CLASP1: variants seen among roughly 807,000 people sequenced by gnomAD.
The protein encoded by CLASP1 is CLIP-associating protein 1.
CLASP1 carries 38 observed loss-of-function variants against 192.3 expected under a neutral mutation model. The observed-to-expected ratio is 0.20, with a 90% CI of 0.15 to 0.26. The LOEUF is 0.26. Ranked by LOEUF, CLASP1 falls within the 10% of genes least tolerant of loss-of-function variation. CLASP1 has a pLI of 1.00. For missense variants in CLASP1, 1,433 were observed against 1,932.5 expected, an observed-to-expected ratio of 0.74 and a Z score of 4.85; for synonymous variants, 691 against 712.8, an observed-to-expected ratio of 0.97 and a Z score of 0.49.
intron 2 of CLASP1, among the ~76,000 whole-genome samples, chr2:121,552,623 C>A (rs945395276): frequency 6.6e-6 from 1 of 152,134 alleles, no homozygotes; most frequent in Non-Finnish European, 1.5e-5. Flanking sequence ...TAGAGAAATG[C>A]AAATCAAAAC....
chr2:121,630,424 A>G (rs1469256298), intron 1 of CLASP1, among the ~76,000 whole-genome samples: 4 of 146,650 alleles, frequency 2.7e-5, no homozygotes, highest in African/African-American at 7.5e-5. Context: ...ACACACACAC[A>G]CGCAGAAGCA....
chr2:121,536,688 CA>C (rs2095090988), intron 2 of CLASP1, among the ~76,000 whole-genome samples: 2 of 152,126 alleles, frequency 1.3e-5, no homozygotes, highest in South Asian at 4.1e-4. Context: ...AAGCCAGTCA[CA>C]AAGACAAATA....
At chr2:121,412,675 A>G (rs1179100493) in intron 23 of CLASP1, among the ~76,000 whole-genome samples, 2 of 152,238 alleles carry the variant, frequency 1.3e-5, no homozygotes, top group Non-Finnish European at 1.5e-5. Flanking sequence ...AATTAAAACT[A>G]TAAGAACAAT....
chr2:121,639,424 G>A (rs1256520954), intron 1 of CLASP1, among the ~76,000 whole-genome samples: 1 of 152,178 alleles, frequency 6.6e-6, no homozygotes, highest in Non-Finnish European at 1.5e-5. Context: ...AGGTTACCAG[G>A]TGCTGGGAGA....
intron 19 of CLASP1, among the ~76,000 whole-genome samples, chr2:121,431,291 AATCT>A (rs1404764480): frequency 6.6e-6 from 1 of 152,240 alleles, no homozygotes; most frequent in Non-Finnish European, 1.5e-5. Flanking sequence ...TAAACTCTAT[AATCT>A]ATACAGAAGT....
intron 19 of CLASP1, among the ~76,000 whole-genome samples, chr2:121,434,571 T>C (rs2081992501): frequency 6.6e-6 from 1 of 152,196 alleles, no homozygotes; most frequent in Non-Finnish European, 1.5e-5. Context: ...TGGCTTCCTA[T>C]TACCTTTAAA....
At chr2:121,404,497 C>CAAA in intron 25 of CLASP1, 63 bp from the exon 27 acceptor site, 2 of 1,418,412 alleles carry the variant, frequency 1.4e-6, no homozygotes, top group Non-Finnish European at 1.9e-6. Context: ...GACAGGGTCT[C>CAAA]ACTCTATTAC....
chr2:121,638,670 ATTT>A (rs200383506), intron 1 of CLASP1, among the ~76,000 whole-genome samples: 1 of 129,598 alleles, frequency 7.7e-6, no homozygotes, highest in Admixed American at 8.3e-5. Context: ...GTTCTTTTTT[ATTT>A]TTTTTTTTTT....
At position 121,561,953 on chromosome 2, in the gene CLASP1, T is replaced by C. The variant is rs556709670; in HGVS notation, c.196-31628A>G. On this transcript the variant is annotated intron_variant, in intron 2 of 39. Transcript: ENST00000263710. ...GTAAAGCTGTTTTCATTAGGGAATCTGGCAATTTACAAGAAAGGGGCTCAA... is the reference window on the plus strand; with the variant it reads ...GTAAAGCTGTTTTCATTAGGGAATCCGGCAATTTACAAGAAAGGGGCTCAA... Among the ~76,000 whole-genome samples, 114 of 152,314 alleles carry C rather than the reference T, an allele frequency of 7.5e-4. 1 individual carries two copies. The highest frequency in any genetic ancestry group is 6.0e-3 in the South Asian group (29 of 4,830).
rs1575163647 is a variant in CLASP1, at chr2:121,469,794, G to A, written c.865+14C>T. The stretch of plus-strand genomic sequence containing the variant: ...ATAGCTGACCCCAGAACGCCACACA[G>A]GGCTTAGACTAACCTGAAGACTTGG... On this transcript the variant is annotated intron_variant, in intron 9 of 39. Transcript: ENST00000263710. 6.2e-7 allele frequency: 1 copy of A among 1,604,896 alleles called. No homozygotes were observed. Among genetic ancestry groups the A allele is most frequent in the Non-Finnish European group, 8.5e-7 (1 of 1,176,652 alleles).
intron 34 of CLASP1, among the ~76,000 whole-genome samples, chr2:121,368,854 CTAA>C (rs2068003173): frequency 6.6e-6 from 1 of 152,182 alleles, no homozygotes; most frequent in African/African-American, 2.4e-5. Flanking sequence ...TTGATCATTC[CTAA>C]CATACCATTT....
intron 1 of CLASP1, among the ~76,000 whole-genome samples, chr2:121,606,685 C>A (rs924272716): frequency 2.0e-5 from 3 of 152,164 alleles, no homozygotes; most frequent in African/African-American, 7.2e-5. Context: ...AAGGGCAGCA[C>A]CTACATCACA....
intron 1 of CLASP1, among the ~76,000 whole-genome samples, chr2:121,638,177 A>C (rs964224738): frequency 2.6e-5 from 4 of 152,176 alleles, no homozygotes; most frequent in Non-Finnish European, 5.9e-5. Flanking sequence ...TCTCCAAAGA[A>C]GACATACAAA....
chr2:121,461,324 A>G (rs903811565), intron 10 of CLASP1, 131 bp from the exon 11 acceptor site: 19 of 595,634 alleles, frequency 3.2e-5, no homozygotes, highest in Admixed American at 2.1e-4. Flanking sequence ...CTATGAGAAA[A>G]TATCTGAACA....
chr2:121,609,052 C>T (rs1268273862), intron 1 of CLASP1, among the ~76,000 whole-genome samples: 1 of 152,138 alleles, frequency 6.6e-6, no homozygotes, highest in East Asian at 1.9e-4. Flanking sequence ...TCCAAGGTTG[C>T]ATGGACAATG....
chr2:121,463,935 G>T (rs1041454772), intron 9 of CLASP1, among the ~76,000 whole-genome samples: 1 of 151,292 alleles, frequency 6.6e-6, no homozygotes, highest in African/African-American at 2.4e-5. Context: ...ATGCTGGTGC[G>T]CTGCACCCAT....
At chr2:121,547,645 G>T (rs971963560) in intron 2 of CLASP1, among the ~76,000 whole-genome samples, 1 of 152,066 alleles carries the variant, frequency 6.6e-6, no homozygotes, top group South Asian at 2.1e-4. Context: ...GCCAAGCTGC[G>T]ATCTATAGCC....
chr2:121,365,020 A>G, intron 36 of CLASP1, 74 bp downstream of exon 37: 1 of 1,350,272 alleles, frequency 7.4e-7, no homozygotes, highest in Non-Finnish European at 1.1e-6. Flanking sequence ...AGCTGAAGCT[A>G]AGCCCAATAA....
chr2:121,580,295 T>A (rs777357448), intron 2 of CLASP1, among the ~76,000 whole-genome samples: 2 of 152,224 alleles, frequency 1.3e-5, no homozygotes, highest in African/African-American at 4.8e-5. Context: ...GCAGACAACA[T>A]AAATAATGTA....
Sources: allele counts gnomAD v4.1 joint callset (sites outside exome capture counted in the v4.1 genomes callset), GRCh38; gene constraint gnomAD v4.1.1; transcripts MANE v1.5; gene names NCBI Gene and HGNC (gene_info 2026-07-23, HGNC 2026-07-21).